KIAA1549: variants seen among roughly 807,000 people sequenced by gnomAD.
The protein encoded by KIAA1549 is KIAA1549.
In KIAA1549, 70 loss-of-function variants were observed where a neutral mutation model predicts 156.4. That is an observed-to-expected ratio of 0.45 (90% confidence interval 0.37 to 0.55). The LOEUF is 0.55. KIAA1549 is among the 20% of genes least tolerant of loss of function. KIAA1549 has a pLI of 0.00. For missense variants in KIAA1549, 2,428 were observed against 2,540.9 expected, an observed-to-expected ratio of 0.96 and a Z score of 0.96; for synonymous variants, 1,103 against 1,066.4, an observed-to-expected ratio of 1.03 and a Z score of -0.67.
At chr7:138,980,080 G>A (rs915654778) in intron 1 of KIAA1549, among the ~76,000 whole-genome samples, 2 of 152,162 alleles carry the variant, frequency 1.3e-5, no homozygotes, top group African/African-American at 2.4e-5. Flanking sequence ...TAGCCCTTTG[G>A]CCCTGCTCCC....
intron 2 of KIAA1549, 105 bp from the exon 3 acceptor site, chr7:138,912,565 C>A: frequency 1.1e-6 from 1 of 903,712 alleles, no homozygotes; most frequent in Non-Finnish European, 1.8e-6. Flanking sequence ...TTAGCAGTTC[C>A]AAAAGTCTTT....
At position 138,836,833 on chromosome 7, in the gene KIAA1549, T is replaced by C; in HGVS notation, c.*1073A>G. 1 of 225,672 alleles carries C rather than the reference T, an allele frequency of 4.4e-6. No individual in the cohort carries two copies. Among genetic ancestry groups the C allele is most frequent in the Non-Finnish European group, 8.8e-6 (1 of 113,424 alleles). The allele number at this position is 225,672 out of a possible 1,614,324, so 14.0% of individuals were successfully genotyped here. ...ACAGAGAGGCTGAACTGAACTCAAT[T>C]TCATTTCCAGGCTCTGAACACAGGG... On this transcript the variant is annotated 3_prime_UTR_variant, in exon 20 of 20. Coordinates refer to ENST00000422774, the MANE Select transcript of KIAA1549 (RefSeq NM_001164665.2).
intron 4 of KIAA1549, 106 bp from the exon 5 acceptor site, chr7:138,909,227 A>C: frequency 1.8e-6 from 2 of 1,137,040 alleles, no homozygotes; most frequent in South Asian, 2.8e-5. Context: ...CAATTCATCC[A>C]TAGTATGGGA....
At position 138,920,903 on chromosome 7, in the gene KIAA1549, G is replaced by C. The variant is rs189419027; in HGVS notation, c.188-1465C>G. Among the ~76,000 whole-genome samples, 4 of 152,298 alleles carry C rather than the reference G, an allele frequency of 2.6e-5. No individual in the cohort carries two copies. The East Asian group carries it at 7.7e-4, about 29-fold the overall frequency. ...AGAGATCTTGAAACTGTCTACTTCA[G>C]AACATTTAAGATTGCTTAATAAATG... On this transcript the variant is annotated intron_variant, in intron 1 of 19. Coordinates refer to ENST00000422774, the MANE Select transcript of KIAA1549 (RefSeq NM_001164665.2).
chr7:138,895,000 C>T (rs1259073339), intron 9 of KIAA1549, among the ~76,000 whole-genome samples: 2 of 152,186 alleles, frequency 1.3e-5, no homozygotes, highest in East Asian at 3.8e-4. Context: ...ACATAAAGCA[C>T]ATGCATCTCA....
At chr7:138,980,910 C>T (rs1814525553) in intron 1 of KIAA1549, among the ~76,000 whole-genome samples, 173 bp downstream of exon 1, 1 of 152,208 alleles carries the variant, frequency 6.6e-6, no homozygotes, top group Admixed American at 6.5e-5. Flanking sequence ...ATTTATTTCC[C>T]CCGTGCCTTT....
intron 15 of KIAA1549, among the ~76,000 whole-genome samples, chr7:138,861,944 A>G (rs1189918121): frequency 1.3e-5 from 2 of 152,092 alleles, no homozygotes; most frequent in Non-Finnish European, 2.9e-5. Context: ...CTTGAACCAG[A>G]AAAAAACTGC....
intron 8 of KIAA1549, 65 bp downstream of exon 8, chr7:138,903,523 C>T: frequency 1.3e-6 from 2 of 1,496,398 alleles, no homozygotes; most frequent in Non-Finnish European, 1.8e-6. Flanking sequence ...ATGGAGTGTG[C>T]ACTCACACGC....
Position 138,918,626 on chromosome 7 carries a change from C to T in KIAA1549, c.1000G>A (p.Glu334Lys). The change falls in exon 2 of 20, where the codon GAA (glutamate) becomes AAA (lysine). Residue 334 changes from glutamate to lysine, a missense_variant. By Grantham distance (56) the Glu-to-Lys change is moderately conservative (BLOSUM62 1). Coordinates refer to ENST00000422774, the MANE Select transcript of KIAA1549 (RefSeq NM_001164665.2). The surrounding 1 kb of genome is among the most constrained non-coding windows in gnomAD (Gnocchi z 4.2). ...DVTTVLSQSLEETISPRTYPT... is the reference protein window; with the variant it reads ...DVTTVLSQSLKETISPRTYPT... ...TATGTTCTTGGAGAGATGGTTTCTT[C>T]TAGGCTTTGACTCAACACAGTGGTC... 6.2e-7 allele frequency: 1 copy of T among 1,613,896 alleles called. No homozygotes were observed. Among genetic ancestry groups the T allele is most frequent in the Admixed American group, 1.7e-5 (1 of 60,024 alleles).
At chr7:138,971,668 T>C (rs1584793734) in intron 1 of KIAA1549, among the ~76,000 whole-genome samples, 1 of 152,080 alleles carries the variant, frequency 6.6e-6, no homozygotes, top group African/African-American at 2.4e-5. Context: ...CCCCCTAGGG[T>C]TGAGAAACCG....
intron 18 of KIAA1549, among the ~76,000 whole-genome samples, chr7:138,840,956 G>C (rs1160676229): frequency 1.3e-5 from 2 of 152,208 alleles, no homozygotes; most frequent in Non-Finnish European, 2.9e-5. Flanking sequence ...TCCAGAAATG[G>C]CATTTCCTAA....
At chr7:138,865,162 G>A (rs1436273763) in intron 15 of KIAA1549, among the ~76,000 whole-genome samples, 4 of 152,042 alleles carry the variant, frequency 2.6e-5, no homozygotes, top group Non-Finnish European at 2.9e-5. Context: ...TGGGGAGGTT[G>A]AAGCTGCAGT....
intron 10 of KIAA1549, among the ~76,000 whole-genome samples, chr7:138,891,157 C>G (rs1360558310): frequency 1.3e-5 from 2 of 152,234 alleles, no homozygotes; most frequent in Non-Finnish European, 2.9e-5. Flanking sequence ...CCCTGGAATG[C>G]AGAGATCGCG....
chr7:138,872,360 G>GA (rs35756099), intron 12 of KIAA1549, among the ~76,000 whole-genome samples: 20,100 of 103,870 alleles, frequency 0.19, 1,685 homozygotes, highest in East Asian at 0.28. Context: ...TCAGAACTGT[G>GA]AAAAAAAAAA....
At position 138,857,290 on chromosome 7, in the gene KIAA1549, T is replaced by G. The variant is rs1205311635; in HGVS notation, c.5247+3849A>C. 1.4e-4 allele frequency among the ~76,000 whole-genome samples: 22 copies of G among 152,308 alleles called. 1 individual carries two copies. On this transcript the variant is annotated intron_variant, in intron 16 of 19. Coordinates refer to ENST00000422774, the MANE Select transcript of KIAA1549 (RefSeq NM_001164665.2). ...GTTCTGCTTCTCTGGAGAACCCTGA[T>G]TATTTTAAATAATAGACCCTACATA...
In KIAA1549 at chr7:138,918,324, G is replaced by A. The variant is rs372588818; in HGVS notation, c.1302C>T (p.Ala434=). The stretch of plus-strand genomic sequence containing the variant: ...CCACGTCTTTCTCCATGAGGCTCGT[G>A]GCCAGAACTTGCTGAGGTGAAGGCA... ...CTVPSPQQVL[A]TSLMEKDVGS... is the part of the protein sequence containing the mutation. The change falls in exon 2 of 20, where the codon GCC becomes GCT. Residue 434 remains alanine, a synonymous_variant. Coordinates refer to ENST00000422774, the MANE Select transcript of KIAA1549 (RefSeq NM_001164665.2). The surrounding 1 kb of genome is among the most constrained non-coding windows in gnomAD (Gnocchi z 4.2). 7.4e-6 allele frequency: 12 copies of A among 1,613,844 alleles called. No individual in the cohort carries two copies. Among genetic ancestry groups the A allele is most frequent in the African/African-American group, 1.3e-5 (1 of 74,906 alleles).
chr7:138,968,138 T>C lies in KIAA1549; in HGVS notation c.187+12945A>G, dbSNP rs145815660. 4.8e-3 allele frequency among the ~76,000 whole-genome samples: 723 copies of C among 152,042 alleles called. 16 individuals are homozygous for C. In the East Asian group the frequency reaches 0.065, roughly 14 times the overall value. ...TCACTTATAAGTGGGAGCTAAACAA[T>C]GAGATCACATGGACACAGGGAAGGG... On this transcript the variant is annotated intron_variant, in intron 1 of 19. Coordinates refer to ENST00000422774, the MANE Select transcript of KIAA1549 (RefSeq NM_001164665.2).
At chr7:138,839,785 T>TTG (rs1809853612) in intron 19 of KIAA1549, among the ~76,000 whole-genome samples, 1 of 125,360 alleles carries the variant, frequency 8.0e-6, no homozygotes, top group Non-Finnish European at 1.7e-5. Context: ...TGTCTTTTTT[T>TTG]TTTTTTTTTT....
Position 138,831,764 on chromosome 7 carries a change from G to C in KIAA1549, c.*6142C>G, listed in dbSNP as rs928213329. 4.3e-6 allele frequency: 1 copy of C among 232,096 alleles called. No individual in the cohort carries two copies. The highest frequency in any genetic ancestry group is 1.8e-4 in the South Asian group (1 of 5,512). 14.4% of individuals were successfully genotyped at this position (232,096 alleles called of 1,614,324 possible). A position where few individuals can be genotyped will look rare whatever the true frequency, so the allele number is the denominator to read the frequency against. On this transcript the variant is annotated 3_prime_UTR_variant, in exon 20 of 20. Coordinates refer to ENST00000422774, the MANE Select transcript of KIAA1549 (RefSeq NM_001164665.2). ...CATGGACCTTGACAAAGGAGGGAGA[G>C]ACAAGTCAGTACTCCAGGGCAGCTC...
Sources: allele counts gnomAD v4.1 joint callset (sites outside exome capture counted in the v4.1 genomes callset), GRCh38; gene constraint gnomAD v4.1.1; non-coding constraint Gnocchi (gnomAD v3.1); transcripts MANE v1.5; gene names NCBI Gene and HGNC (gene_info 2026-07-23, HGNC 2026-07-21).